Variants in ALDH1L2 observed in about 807,000 individuals in gnomAD.
The protein encoded by ALDH1L2 is mitochondrial 10-formyltetrahydrofolate dehydrogenase.
Under a neutral mutation model 111.0 loss-of-function variants are expected in ALDH1L2, and 91 were observed. That is an observed-to-expected ratio of 0.82 (90% confidence interval 0.69 to 0.98). ALDH1L2 has a LOEUF of 0.98. Among genes scored for constraint, ALDH1L2 ranks in the 50% least tolerant of loss-of-function variants. ALDH1L2 has a pLI of 0.00. For synonymous variants in ALDH1L2, 374 were observed against 392.6 expected, an observed-to-expected ratio of 0.95 and a Z score of 0.56; for missense variants, 995 against 1,126.8, an observed-to-expected ratio of 0.88 and a Z score of 1.67.
At position 105,065,334 on chromosome 12, in the gene ALDH1L2, T is replaced by C; in HGVS notation, c.719A>G (p.Glu240Gly). The C allele has an allele frequency of 6.2e-7, 1 of 1,611,540 alleles. No individual in the cohort carries two copies. Among genetic ancestry groups the C allele is most frequent in the South Asian group, 1.1e-5 (1 of 91,066 alleles). Residue 240 changes from glutamate (E) to glycine (G), a missense_variant, in exon 6 of 23, where the codon GAA (glutamate) becomes GGA (glycine). Physicochemically the swap from Glu to Gly is moderately conservative, Grantham distance 98 (BLOSUM62 -2). Coordinates refer to ENST00000258494, the MANE Select transcript of ALDH1L2 (RefSeq NM_001034173.4). The part of the protein sequence containing the change: ...NAEISWDQSA[E>G]VLHNWIRGHD... ...ACCTCGAATCCAGTTATGTAAAACT[T>C]CGGCAGACTGGTCCCAAGAAATCTA...
chr12:105,065,472 T>C (rs1877294003), intron 5 of ALDH1L2, 116 bp from the exon 6 acceptor site: 1 of 811,376 alleles, frequency 1.2e-6, no homozygotes, highest in South Asian at 1.6e-5. Context: ...AAAGGAATTT[T>C]TGCTTCTTAG....
rs540398020 is a variant in ALDH1L2, at chr12:105,030,110, A to G, written c.2516+214T>C. 12 of 353,426 alleles carry G rather than the reference A, an allele frequency of 3.4e-5. No homozygotes were observed. The East Asian group carries it at 5.2e-4, about 15-fold the overall frequency. 21.9% of individuals were successfully genotyped at this position (353,426 alleles called of 1,614,324 possible). On this transcript the variant is annotated intron_variant, in intron 21 of 22. Coordinates refer to ENST00000258494, the MANE Select transcript of ALDH1L2 (RefSeq NM_001034173.4). ...CTAAAATTTATTCAGCTAAAAGCCCATTATGTTGGCCATTAATTGAAGCTG... is the reference window on the plus strand; with the variant it reads ...CTAAAATTTATTCAGCTAAAAGCCCGTTATGTTGGCCATTAATTGAAGCTG...
chr12:105,073,187 G>A (rs1877839669), intron 2 of ALDH1L2, among the ~76,000 whole-genome samples: 1 of 152,174 alleles, frequency 6.6e-6, no homozygotes, highest in South Asian at 2.1e-4. Flanking sequence ...TAGCAGCCAC[G>A]TGAGGTAGCT....
At chr12:105,039,378 T>C (rs760525073) in intron 17 of ALDH1L2, among the ~76,000 whole-genome samples, 40 of 152,242 alleles carry the variant, frequency 2.6e-4, no homozygotes, top group Non-Finnish European at 5.6e-4. Flanking sequence ...ATATAAAATA[T>C]ATAAATTTCA....
intron 22 of ALDH1L2, 114 bp downstream of exon 22, chr12:105,026,431 T>C (rs1874412014): frequency 8.2e-7 from 1 of 1,223,704 alleles, no homozygotes; most frequent in South Asian, 1.4e-5. Context: ...AACCCAGATA[T>C]AACTGCCATG....
chr12:105,060,197 TG>T (rs1394167415), intron 9 of ALDH1L2, among the ~76,000 whole-genome samples: 1 of 151,760 alleles, frequency 6.6e-6, no homozygotes, highest in Non-Finnish European at 1.5e-5. Flanking sequence ...AAAAAAGATT[TG>T]GGGGAAAGCA....
chr12:105,064,171 C>T (rs1240466048), intron 6 of ALDH1L2, among the ~76,000 whole-genome samples: 1 of 97,308 alleles, frequency 1.0e-5, no homozygotes, highest in Non-Finnish European at 1.9e-5. Flanking sequence ...TTAGTAGAGA[C>T]AGGGTTTTGC....
rs780611557 is a variant in ALDH1L2 at position 105,060,991 on chromosome 12, C to G, written c.1129G>C (p.Asp377His). The change falls in exon 9 of 23, where the codon GAT becomes CAT. Residue 377 changes from aspartate to histidine, a missense_variant. Coordinates refer to ENST00000258494, the MANE Select transcript of ALDH1L2 (RefSeq NM_001034173.4). Reference sequence around the variant, plus strand: ...AGGGCGTGGTTTTACCTGGCAACATCCATTGAGCTTGCTCCAGATTTAAAG... The same window carrying G: ...AGGGCGTGGTTTTACCTGGCAACATGCATTGAGCTTGCTCCAGATTTAAAG... ...DFFKSGASSMDVARLVEEIRQ... is the reference protein window; with the variant it reads ...DFFKSGASSMHVARLVEEIRQ... 1.9e-6 allele frequency: 3 copies of G among 1,613,840 alleles called. No homozygotes were observed. The African/African-American group carries it at 4.0e-5, about 22-fold the overall frequency.
intron 15 of ALDH1L2, among the ~76,000 whole-genome samples, chr12:105,044,230 CAAAG>C (rs1313260977): frequency 6.6e-6 from 1 of 152,114 alleles, no homozygotes; most frequent in East Asian, 1.9e-4. Flanking sequence ...GGTATGCACT[CAAAG>C]AATGTTTGTA....
intron 20 of ALDH1L2, 134 bp downstream of exon 20, chr12:105,031,635 C>T (rs11112319): frequency 0.067 from 83,930 of 1,259,302 alleles, 6,387 homozygotes; most frequent in East Asian, 0.33. Context: ...GTAGCAGGTG[C>T]GTGCCACCAC....
Position 105,022,095 on chromosome 12 carries a change from T to C in ALDH1L2, c.*2329A>G, listed in dbSNP as rs998388737. On this transcript the variant is annotated 3_prime_UTR_variant, in exon 23 of 23. Transcript: ENST00000258494. The stretch of plus-strand genomic sequence containing the variant: ...CAACAGCGATGATTTTATTACTCTA[T>C]GTGTTAAGTAAATCACCTAGCAGGC... 9.8e-5 allele frequency: 15 copies of C among 152,328 alleles called. No individual in the cohort carries two copies. The highest frequency in any genetic ancestry group is 3.4e-4 in the African/African-American group (14 of 41,576). 9.4% of individuals were successfully genotyped at this position (152,328 alleles called of 1,614,324 possible).
At chr12:105,034,500 G>A in intron 18 of ALDH1L2, 102 bp from the exon 19 acceptor site, 2 of 944,400 alleles carry the variant, frequency 2.1e-6, no homozygotes, top group Admixed American at 2.6e-5. Context: ...AAGACAGCAG[G>A]CAATATAGAT....
chr12:105,038,279 AACACACACACACACAC>A (rs555214940), intron 17 of ALDH1L2, 77 bp from the exon 18 acceptor site: 239 of 246,916 alleles, frequency 9.7e-4, no homozygotes, highest in Middle Eastern at 2.8e-3. Context: ...CACACACACA[AACACACACACACACAC>A]ACACACACAC....
At chr12:105,053,680 A>G (rs1040026472) in intron 10 of ALDH1L2, among the ~76,000 whole-genome samples, 1 of 152,092 alleles carries the variant, frequency 6.6e-6, no homozygotes, top group Non-Finnish European at 1.5e-5. Context: ...TCTATGAGCT[A>G]TTTCCATTGT....
At chr12:105,029,490 C>T (rs1213823655) in intron 21 of ALDH1L2, among the ~76,000 whole-genome samples, 1 of 152,144 alleles carries the variant, frequency 6.6e-6, no homozygotes, top group Non-Finnish European at 1.5e-5. Flanking sequence ...CTGTGACTTA[C>T]CCATGTTACA....
At chr12:105,042,994 A>C (rs1031207610) in intron 15 of ALDH1L2, among the ~76,000 whole-genome samples, 7 of 152,248 alleles carry the variant, frequency 4.6e-5, no homozygotes, top group Admixed American at 1.3e-4. Flanking sequence ...TGGGAAAAGA[A>C]AATAGTGGAA....
chr12:105,083,632 T>TC (rs563239070), intron 1 of ALDH1L2, among the ~76,000 whole-genome samples: 18,294 of 150,918 alleles, frequency 0.12, 1,303 homozygotes, highest in African/African-American at 0.2. Context: ...TTTTTTTTTT[T>TC]TCTCTCTCTC....
At chr12:105,082,120 G>A (rs926167692) in intron 1 of ALDH1L2, among the ~76,000 whole-genome samples, 5 of 152,206 alleles carry the variant, frequency 3.3e-5, no homozygotes, top group African/African-American at 1.2e-4. Context: ...CTTGAACCCC[G>A]GAGGCAGAGG....
intron 1 of ALDH1L2, among the ~76,000 whole-genome samples, chr12:105,076,808 G>A (rs549429759): frequency 6.6e-6 from 1 of 152,238 alleles, no homozygotes; most frequent in South Asian, 2.1e-4. Context: ...TATACCATGA[G>A]CCAAACACTA....
Sources: gnomAD v4.1 joint callset for allele counts (sites outside exome capture counted in the v4.1 genomes callset) on GRCh38, gnomAD v4.1.1 for gene constraint, MANE v1.5 for transcripts, NCBI Gene and HGNC (gene_info 2026-07-23, HGNC 2026-07-21) for gene names.